HSF2BP: variants seen among roughly 807,000 people sequenced by gnomAD.
HSF2BP encodes heat shock transcription factor 2 binding protein.
HSF2BP carries 35 observed loss-of-function variants against 35.0 expected under a neutral mutation model. The observed-to-expected ratio is 1.00, with a 90% CI of 0.76 to 1.32. The LOEUF (loss-of-function observed/expected upper bound fraction) is 1.32, where lower values mean the gene tolerates loss of function less well. Ranked by LOEUF, HSF2BP falls within the 40% of genes most tolerant of loss-of-function variation. The probability of loss-of-function intolerance (pLI) is 0.00; values close to 1 mark genes in which losing one functional copy is unlikely to be tolerated. For missense variants in HSF2BP, 326 were observed against 321.7 expected (o/e 1.01, Z -0.10); for synonymous variants, 114 against 117.4 (o/e 0.97, Z 0.18).
At chr21:43,595,586 A>C (rs1258398415) in intron 7 of HSF2BP, among the ~76,000 whole-genome samples, 1 of 152,038 alleles carries the variant, frequency 6.6e-6, no homozygotes, top group Non-Finnish European at 1.5e-5. Flanking sequence ...TGAGCCCAGG[A>C]GGTCGAGGCT....
At chr21:43,603,121 A>T (rs565888264) in intron 7 of HSF2BP, among the ~76,000 whole-genome samples, 27 of 152,374 alleles carry the variant, frequency 1.8e-4, no homozygotes, top group Admixed American at 2.6e-4. Flanking sequence ...CTAATAAAAA[A>T]AATAATAATT....
At chr21:43,653,681 A>G (rs545443281) in intron 3 of HSF2BP, among the ~76,000 whole-genome samples, 1 of 152,314 alleles carries the variant, frequency 6.6e-6, no homozygotes, top group South Asian at 2.1e-4. Flanking sequence ...CTGAAGACTT[A>G]CGCAGGTGAA....
chr21:43,578,127 T>C (rs1306440300), intron 8 of HSF2BP, among the ~76,000 whole-genome samples: 2 of 152,184 alleles, frequency 1.3e-5, no homozygotes, highest in African/African-American at 2.4e-5. Flanking sequence ...ACATGGACCA[T>C]GCACTGTTGG....
At chr21:43,652,963 G>C (rs2082810564) in intron 3 of HSF2BP, among the ~76,000 whole-genome samples, 1 of 151,906 alleles carries the variant, frequency 6.6e-6, no homozygotes, top group Non-Finnish European at 1.5e-5. Flanking sequence ...GGTGAAACCT[G>C]GTCTCTAACT....
chr21:43,616,052 A>AAAAT (rs57115434), intron 6 of HSF2BP, among the ~76,000 whole-genome samples: 2,286 of 143,922 alleles, frequency 0.016, 24 homozygotes, highest in Middle Eastern at 0.042. Flanking sequence ...AAAAAAAAAA[A>AAAAT]ATATATATAT....
At chr21:43,610,471 T>G (rs376113205) in intron 7 of HSF2BP, among the ~76,000 whole-genome samples, 120 of 148,506 alleles carry the variant, frequency 8.1e-4, no homozygotes, top group African/African-American at 2.7e-3. Context: ...CATGGTGGCG[T>G]GCAGAGTAGC....
chr21:43,636,177 A>C (rs2082551207), intron 4 of HSF2BP, among the ~76,000 whole-genome samples: 1 of 149,912 alleles, frequency 6.7e-6, no homozygotes, highest in African/African-American at 2.5e-5. Flanking sequence ...TGACAGAGCA[A>C]GACACCATCT....
chr21:43,574,516 C>T (rs936757123), intron 8 of HSF2BP, among the ~76,000 whole-genome samples: 3 of 152,096 alleles, frequency 2.0e-5, no homozygotes, highest in South Asian at 2.1e-4. Flanking sequence ...CGCCACCACG[C>T]CTAGCTAATT....
At chr21:43,616,520 G>A (rs997123807) in intron 6 of HSF2BP, among the ~76,000 whole-genome samples, 5 of 152,138 alleles carry the variant, frequency 3.3e-5, no homozygotes, top group African/African-American at 9.7e-5. Context: ...GCTTACACCC[G>A]TAATCCTAGT....
chr21:43,631,928 C>T (rs1157159976), intron 5 of HSF2BP, among the ~76,000 whole-genome samples: 2 of 148,124 alleles, frequency 1.4e-5, no homozygotes, highest in African/African-American at 2.5e-5. Context: ...CCCACACACA[C>T]GATCCCACAT....
At chr21:43,584,125 A>ACCTGCCGAAGGAGATGAAGGG (rs1331166091) in intron 8 of HSF2BP, among the ~76,000 whole-genome samples, 1 of 129,444 alleles carries the variant, frequency 7.7e-6, no homozygotes, top group African/African-American at 3.0e-5. Context: ...GGGGATAAGG[A>ACCTGCCGAAGGAGATGAAGGG]CCTGCCGAAG....
Position 43,607,644 on chromosome 21 carries a change from G to A in HSF2BP, c.692+6186C>T, listed in dbSNP as rs1213780472. On this transcript the variant is annotated intron_variant, in intron 7 of 8. Coordinates refer to ENST00000291560, the MANE Select transcript of HSF2BP (RefSeq NM_007031.2). The stretch of plus-strand genomic sequence containing the variant: ...AAAGAGCCCAAATAGCCAAAGCAAC[G>A]CTAAGAAAAAAGAACAAAGCTAGAG... Among the ~76,000 whole-genome samples, 4 of 151,982 alleles carry A rather than the reference G, an allele frequency of 2.6e-5. No individual in the cohort carries two copies. The East Asian group carries it at 7.7e-4, about 29-fold the overall frequency.
At chr21:43,648,283 C>A (rs1048777020) in intron 3 of HSF2BP, among the ~76,000 whole-genome samples, 1 of 152,286 alleles carries the variant, frequency 6.6e-6, no homozygotes, top group East Asian at 1.9e-4. Context: ...AATAGCAGCC[C>A]CGCAGGAAAC....
intron 7 of HSF2BP, among the ~76,000 whole-genome samples, chr21:43,601,806 T>C (rs751897106): frequency 2.6e-5 from 4 of 152,226 alleles, no homozygotes; most frequent in African/African-American, 7.2e-5. Context: ...ATTATCTAGA[T>C]ACAGTTTGTC....
At chr21:43,595,350 G>T (rs2081971728) in intron 7 of HSF2BP, among the ~76,000 whole-genome samples, 1 of 151,862 alleles carries the variant, frequency 6.6e-6, no homozygotes, top group African/African-American at 2.4e-5. Flanking sequence ...GAAGGCTGAG[G>T]TAGCTACATT....
intron 4 of HSF2BP, among the ~76,000 whole-genome samples, chr21:43,636,290 G>A (rs1020580300): frequency 4.6e-5 from 7 of 150,972 alleles, no homozygotes; most frequent in Non-Finnish European, 1.0e-4. Context: ...GGGAAAAAAA[G>A]AGAATCATAA....
At chr21:43,586,410 G>A (rs2081851748) in intron 8 of HSF2BP, among the ~76,000 whole-genome samples, 1 of 152,130 alleles carries the variant, frequency 6.6e-6, no homozygotes, top group Admixed American at 6.5e-5. Context: ...CACCTTTACA[G>A]CAAGCAAACA....
chr21:43,632,121 C>A (rs2147010013), intron 5 of HSF2BP, among the ~76,000 whole-genome samples: 1 of 63,514 alleles, frequency 1.6e-5, no homozygotes, highest in African/African-American at 6.6e-5. Context: ...ACACGCTCCC[C>A]CAAACACACA....
At chr21:43,624,013 C>G (rs976931624) in intron 6 of HSF2BP, among the ~76,000 whole-genome samples, 3 of 152,102 alleles carry the variant, frequency 2.0e-5, no homozygotes, top group African/African-American at 7.2e-5. Context: ...ATGGGCTGTT[C>G]TGAAGACATG....
Sources: allele counts gnomAD v4.1 joint callset (sites outside exome capture counted in the v4.1 genomes callset), GRCh38; gene constraint gnomAD v4.1.1; transcripts MANE v1.5; gene names NCBI Gene and HGNC (gene_info 2026-07-23, HGNC 2026-07-21).